Variants in ASPRV1 observed in about 807,000 individuals in gnomAD.
ASPRV1 encodes aspartic peptidase retroviral like 1.
Under a neutral mutation model 11.0 loss-of-function variants are expected in ASPRV1, and 7 were observed. The ratio of observed to expected loss-of-function variants is 0.64; its 90% CI spans 0.36 to 1.20. ASPRV1 has a LOEUF of 1.20. Among genes scored for constraint, ASPRV1 ranks in the 50% most tolerant of loss-of-function variants. The pLI is 0.02. For missense variants in ASPRV1, 299 were observed against 320.0 expected (o/e 0.93, Z 0.50); for synonymous variants, 136 against 138.4 (o/e 0.98, Z 0.12).
At chr2:70,075,580 C>T in the ASPRV1 span, among the ~76,000 whole-genome samples, 1 of 152,148 alleles carries the variant, frequency 6.6e-6, no homozygotes, top group East Asian at 1.9e-4. Flanking sequence ...GGCACAGTGG[C>T]TCACGCCTGT....
chr2:69,970,439 A>G, the ASPRV1 span, among the ~76,000 whole-genome samples: 138 of 152,252 alleles, frequency 9.1e-4, no homozygotes, highest in South Asian at 1.9e-3. Context: ...CTACCTATAC[A>G]AAATGGCGTG....
the ASPRV1 span, among the ~76,000 whole-genome samples, chr2:69,951,446 A>AGTGTGTGT: frequency 1.1e-4 from 12 of 107,354 alleles, no homozygotes; most frequent in African/African-American, 4.5e-4. Flanking sequence ...AAAAAAAGTG[A>AGTGTGTGT]GTGTGTGTGT....
chr2:69,948,329 G>C, the ASPRV1 span, among the ~76,000 whole-genome samples: 4 of 152,352 alleles, frequency 2.6e-5, no homozygotes, highest in Admixed American at 2.6e-4. Flanking sequence ...TTGATTAGCA[G>C]AGACAGGTCA....
At chr2:70,082,645 G>A in the ASPRV1 span, among the ~76,000 whole-genome samples, 1 of 152,214 alleles carries the variant, frequency 6.6e-6, no homozygotes, top group East Asian at 1.9e-4. Flanking sequence ...GGGAGGCAGT[G>A]GTTGTGGTGA....
At chr2:70,018,165 A>C in the ASPRV1 span, 136 of 151,550 alleles carry the variant, frequency 9.0e-4, no homozygotes, top group African/African-American at 3.2e-3. Flanking sequence ...AATAAAATAA[A>C]ATAAAATAAA....
At chr2:70,057,896 C>T in the ASPRV1 span, among the ~76,000 whole-genome samples, 47 of 152,060 alleles carry the variant, frequency 3.1e-4, no homozygotes, top group Non-Finnish European at 6.2e-4. Context: ...CAGGTTCAAG[C>T]GATTCTCCTG....
the ASPRV1 span, among the ~76,000 whole-genome samples, chr2:70,064,978 C>T: frequency 1.3e-5 from 2 of 152,012 alleles, no homozygotes; most frequent in Non-Finnish European, 2.9e-5. Flanking sequence ...GTCTCTAATC[C>T]CAGCTACTGA....
chr2:69,982,366 G>C, the ASPRV1 span, among the ~76,000 whole-genome samples: 2 of 152,076 alleles, frequency 1.3e-5, no homozygotes, highest in Non-Finnish European at 2.9e-5. Context: ...TGAGGAGGGA[G>C]GATCACTCAA....
chr2:70,038,184 T>A, the ASPRV1 span, among the ~76,000 whole-genome samples: 1 of 152,240 alleles, frequency 6.6e-6, no homozygotes, highest in Non-Finnish European at 1.5e-5. Flanking sequence ...AAGAAATACC[T>A]TCAAAAGATG....
chr2:70,031,247 C>G, the ASPRV1 span: 1 of 152,318 alleles, frequency 6.6e-6, no homozygotes, highest in African/African-American at 2.4e-5. Flanking sequence ...GACAAACTTA[C>G]AATTCAGCAC....
chr2:70,060,519 G>A, the ASPRV1 span, among the ~76,000 whole-genome samples: 1 of 152,056 alleles, frequency 6.6e-6, no homozygotes. Flanking sequence ...AAGGGCAAGA[G>A]TTGGGCATAG....
the ASPRV1 span, among the ~76,000 whole-genome samples, chr2:70,061,339 G>A: frequency 8.0e-5 from 12 of 149,784 alleles, no homozygotes; most frequent in South Asian, 1.7e-3. Context: ...AGGTTGTAGT[G>A]AGCTGAGATC....
the ASPRV1 span, chr2:69,938,077 C>G: frequency 1.8e-5 from 29 of 1,609,782 alleles, no homozygotes; most frequent in Admixed American, 4.7e-4. Context: ...CAATGTCCTT[C>G]TCTCTTGTCC....
chr2:69,994,863 G>A, the ASPRV1 span, among the ~76,000 whole-genome samples: 6 of 151,316 alleles, frequency 4.0e-5, no homozygotes, highest in Non-Finnish European at 8.8e-5. Context: ...TTAGCTGGGC[G>A]TGGTGGCAGG....
chr2:69,982,216 T>C, the ASPRV1 span, among the ~76,000 whole-genome samples: 19 of 151,234 alleles, frequency 1.3e-4, no homozygotes, highest in Non-Finnish European at 1.9e-4. Context: ...TGGTGGCTCA[T>C]GCCTATAAAG....
the ASPRV1 span, chr2:70,046,938 G>A: frequency 2.0e-5 from 3 of 152,036 alleles, no homozygotes; most frequent in South Asian, 4.2e-4. Context: ...TTGCATTTAC[G>A]CTGTTTTTAA....
the ASPRV1 span, among the ~76,000 whole-genome samples, chr2:70,043,874 T>C: frequency 6.6e-6 from 1 of 152,204 alleles, no homozygotes; most frequent in African/African-American, 2.4e-5. Flanking sequence ...GCTGGTGGGC[T>C]ATCTACTCAG....
the ASPRV1 span, among the ~76,000 whole-genome samples, chr2:70,055,208 G>A: frequency 6.6e-6 from 1 of 152,156 alleles, no homozygotes; most frequent in African/African-American, 2.4e-5. Flanking sequence ...GAGGGCTGAG[G>A]CAGGAGAATC....
chr2:70,083,394 C>T, the ASPRV1 span: 1 of 152,224 alleles, frequency 6.6e-6, no homozygotes, highest in African/African-American at 2.4e-5. Flanking sequence ...CGTGAAAGCA[C>T]TCTGAAAGGT....
Sources: gnomAD v4.1 joint callset for allele counts (sites outside exome capture counted in the v4.1 genomes callset) on GRCh38, gnomAD v4.1.1 for gene constraint, MANE v1.5 for transcripts, NCBI Gene and HGNC (gene_info 2026-07-23, HGNC 2026-07-21) for gene names.